The following DIAPH2 variants were observed in gnomAD, a reference collection of about 807,000 sequenced individuals.
DIAPH2 encodes the protein diaphanous related formin 2.
In DIAPH2, 35 loss-of-function variants were observed where a neutral mutation model predicts 92.7. That is an observed-to-expected ratio of 0.38 (90% CI 0.29 to 0.50). The LOEUF (loss-of-function observed/expected upper bound fraction) is 0.50. Ranked by LOEUF, DIAPH2 falls within the 20% of genes least tolerant of loss-of-function variation. The pLI is 0.94. For missense variants in DIAPH2, 701 were observed against 819.5 expected, an observed-to-expected ratio of 0.86 and a Z score of 1.77; for synonymous variants, 301 against 280.4, an observed-to-expected ratio of 1.07 and a Z score of -0.73.
chrX:96,765,362 T>A (rs2064296833), intron 4 of DIAPH2, among the ~76,000 whole-genome samples: 1 of 109,465 alleles, frequency 9.1e-6, no homozygotes, highest in Admixed American at 9.8e-5. Flanking sequence ...CATGCCCAGC[T>A]AATTTTTGTA....
chrX:96,719,084 G>GA (rs914844889), intron 1 of DIAPH2, among the ~76,000 whole-genome samples: 5 of 108,031 alleles, frequency 4.6e-5, no homozygotes, highest in Non-Finnish European at 9.6e-5. Flanking sequence ...CTTCTTTTGA[G>GA]AAAAGTCTAT....
intron 4 of DIAPH2, among the ~76,000 whole-genome samples, chrX:96,809,429 G>T (rs752436917): frequency 9.2e-6 from 1 of 108,952 alleles, no homozygotes; most frequent in Non-Finnish European, 1.9e-5. Flanking sequence ...ATATAATGTT[G>T]TATAACAAAT....
chrX:97,010,662 C>T (rs1221811545), intron 17 of DIAPH2, among the ~76,000 whole-genome samples: 1 of 111,515 alleles, frequency 9.0e-6, no homozygotes, highest in Non-Finnish European at 1.9e-5. Context: ...TTTTATATGA[C>T]GTTTCAGAAC....
At chrX:97,312,469 C>T (rs1024299277) in intron 23 of DIAPH2, among the ~76,000 whole-genome samples, 3 of 105,638 alleles carry the variant, frequency 2.8e-5, no homozygotes, top group African/African-American at 1.0e-4. Context: ...CCTGCCTCAG[C>T]CTCCCGAGTA....
intron 4 of DIAPH2, among the ~76,000 whole-genome samples, chrX:96,790,702 T>G (rs2064493978): frequency 9.0e-6 from 1 of 111,302 alleles, no homozygotes; most frequent in Non-Finnish European, 1.9e-5. Flanking sequence ...TCTCACCCAG[T>G]TAATTGTACG....
rs199602504 is a variant in DIAPH2 at position 97,418,590 on chromosome X, C to A, written c.3146-11060C>A. Among the ~76,000 whole-genome samples, 8 of 111,983 alleles carry A rather than the reference C, an allele frequency of 7.1e-5. No homozygotes were observed. The East Asian group carries it at 2.3e-3, about 32-fold the overall frequency. ...AAATGATTCCTTTCCCTCTCACCTT[C>A]CTGATTAGGCTTGTGTTTGTGTGTC... On this transcript the variant is annotated intron_variant, in intron 25 of 26. Coordinates refer to ENST00000324765, the MANE Select transcript of DIAPH2 (RefSeq NM_006729.5).
chrX:97,078,613 C>T (rs1008486644), intron 19 of DIAPH2, among the ~76,000 whole-genome samples: 6 of 111,474 alleles, frequency 5.4e-5, no homozygotes, highest in Non-Finnish European at 9.4e-5. Flanking sequence ...ATTAGAGCTG[C>T]GACTAGAAAT....
At chrX:96,973,489 A>G (rs918284345) in intron 17 of DIAPH2, among the ~76,000 whole-genome samples, 4 of 111,516 alleles carry the variant, frequency 3.6e-5, no homozygotes, top group African/African-American at 1.3e-4. Context: ...CAGAGTCTCA[A>G]AAGAAAGAAA....
At chrX:97,226,131 C>T (rs1026581511) in intron 22 of DIAPH2, among the ~76,000 whole-genome samples, 2 of 110,895 alleles carry the variant, frequency 1.8e-5, no homozygotes, top group Non-Finnish European at 3.8e-5. Flanking sequence ...CATTATAGTA[C>T]CACCTCCCAA....
chrX:96,846,693 A>G (rs1214296251), intron 4 of DIAPH2, among the ~76,000 whole-genome samples: 1 of 111,318 alleles, frequency 9.0e-6, no homozygotes, highest in Non-Finnish European at 1.9e-5. Context: ...AATAATGCAA[A>G]TATCTTTCTA....
intron 26 of DIAPH2, among the ~76,000 whole-genome samples, chrX:97,446,712 TTGATTGATTGTGTG>T (rs1238677810): frequency 9.0e-6 from 1 of 111,165 alleles, no homozygotes; most frequent in Non-Finnish European, 1.9e-5. Context: ...AATAGTATAT[TTGATTGATTGTGTG>T]TGGTTTTTTT....
intron 5 of DIAPH2, among the ~76,000 whole-genome samples, chrX:96,888,566 C>CACAGATATATATATCTATATATAT (rs1379931505): frequency 3.9e-5 from 2 of 51,694 alleles, no homozygotes; most frequent in East Asian, 1.4e-3. Context: ...TATATATATA[C>CACAGATATATATATCTATATATAT]ACAGATATAT....
chrX:97,214,529 T>TA (rs2067866926), intron 22 of DIAPH2, among the ~76,000 whole-genome samples: 1 of 108,450 alleles, frequency 9.2e-6, no homozygotes, highest in African/African-American at 3.5e-5. Flanking sequence ...GAAATTTCCT[T>TA]TAAAAAAAAA....
At chrX:96,953,993 A>G (rs1228068555) in intron 15 of DIAPH2, 1 of 112,071 alleles carries the variant, frequency 8.9e-6, no homozygotes, top group Non-Finnish European at 1.9e-5. Flanking sequence ...ATTTCAGTAA[A>G]TTAAAAAAAC....
chrX:97,329,643 C>A (rs1301052715), intron 23 of DIAPH2, among the ~76,000 whole-genome samples: 4 of 110,820 alleles, frequency 3.6e-5, no homozygotes, highest in African/African-American at 1.3e-4. Context: ...TCCTCCAAGG[C>A]ACCAGGACAT....
intron 25 of DIAPH2, among the ~76,000 whole-genome samples, chrX:97,413,863 A>G (rs1042593174): frequency 1.8e-5 from 2 of 111,831 alleles, no homozygotes; most frequent in East Asian, 5.6e-4. Context: ...GGACATCTTC[A>G]AGGAGGACTA....
intron 23 of DIAPH2, among the ~76,000 whole-genome samples, chrX:97,316,928 C>A (rs1233036776): frequency 9.0e-6 from 1 of 111,249 alleles, no homozygotes; most frequent in African/African-American, 3.3e-5. Context: ...GCACTAGCTT[C>A]CATAATAGGA....
chrX:97,129,389 A>G (rs756395837), intron 21 of DIAPH2, among the ~76,000 whole-genome samples: 1 of 108,508 alleles, frequency 9.2e-6, no homozygotes, highest in South Asian at 4.0e-4. Flanking sequence ...GTGGTCTCGA[A>G]CTCCTGACCG....
chrX:97,334,184 C>T (rs192172932), intron 23 of DIAPH2, among the ~76,000 whole-genome samples: 13 of 110,282 alleles, frequency 1.2e-4, no homozygotes, highest in African/African-American at 3.9e-4. Context: ...ACATTGAGGC[C>T]GGGCACAGTG....
Sources: allele counts gnomAD v4.1 joint callset (sites outside exome capture counted in the v4.1 genomes callset), GRCh38; gene constraint gnomAD v4.1.1; transcripts MANE v1.5; gene names NCBI Gene and HGNC (gene_info 2026-07-23, HGNC 2026-07-21).